Variants in DPYD observed in about 807,000 individuals in gnomAD.
The protein encoded by DPYD is dihydropyrimidine dehydrogenase [NADP(+)].
Under a neutral mutation model 116.2 loss-of-function variants are expected in DPYD, and 109 were observed. The ratio of observed to expected loss-of-function variants is 0.94; its 90% CI spans 0.80 to 1.10. The LOEUF is 1.10. Among genes scored for constraint, DPYD ranks in the 50% least tolerant of loss-of-function variants. The probability of loss-of-function intolerance (pLI) is 0.00; values close to 1 mark genes in which losing one functional copy is unlikely to be tolerated. For missense variants in DPYD, 1,302 were observed against 1,254.5 expected (o/e 1.04, Z -0.57); for synonymous variants, 440 against 432.0 (o/e 1.02, Z -0.23).
chr1:97,552,620 C>T (rs1320947294), intron 11 of DPYD, among the ~76,000 whole-genome samples: 1 of 151,932 alleles, frequency 6.6e-6, no homozygotes, highest in Non-Finnish European at 1.5e-5. Flanking sequence ...GCTTTCTTTC[C>T]TTAATATTTG....
At chr1:97,428,958 A>T (rs1675025001) in intron 14 of DPYD, among the ~76,000 whole-genome samples, 1 of 152,092 alleles carries the variant, frequency 6.6e-6, no homozygotes, top group Admixed American at 6.6e-5. Context: ...AAATCATTTA[A>T]AAAGTTTTAT....
intron 2 of DPYD, among the ~76,000 whole-genome samples, chr1:97,865,463 G>A (rs931736095): frequency 6.6e-6 from 1 of 151,860 alleles, no homozygotes; most frequent in African/African-American, 2.4e-5. Flanking sequence ...ATTCATTTAT[G>A]TGATGGAAAA....
At chr1:97,679,214 T>G in intron 7 of DPYD, 32 bp from the exon 8 acceptor site, 1 of 1,226,560 alleles carries the variant, frequency 8.2e-7, no homozygotes, top group Non-Finnish European at 1.2e-6. Context: ...ATAAGAAAAT[T>G]TGGCATATGA....
chr1:97,256,461 C>T (rs1249679399), intron 18 of DPYD, among the ~76,000 whole-genome samples: 1 of 152,004 alleles, frequency 6.6e-6, no homozygotes, highest in Non-Finnish European at 1.5e-5. Flanking sequence ...ATGCTCTTCT[C>T]ATGATAATGA....
At chr1:97,623,155 C>A (rs1308917709) in intron 8 of DPYD, among the ~76,000 whole-genome samples, 1 of 152,018 alleles carries the variant, frequency 6.6e-6, no homozygotes, top group Non-Finnish European at 1.5e-5. Flanking sequence ...ACTCAAGAAG[C>A]AAAGGAATGC....
At chr1:97,266,952 C>G (rs1664275306) in intron 18 of DPYD, among the ~76,000 whole-genome samples, 1 of 152,078 alleles carries the variant, frequency 6.6e-6, no homozygotes, top group South Asian at 2.1e-4. Context: ...GGGTTGGTTC[C>G]AAGTCTTTGC....
chr1:97,364,457 A>G (rs1670919061), intron 16 of DPYD, among the ~76,000 whole-genome samples: 1 of 152,214 alleles, frequency 6.6e-6, no homozygotes, highest in South Asian at 2.1e-4. Flanking sequence ...ACATGAGGAA[A>G]GAGTCAAAGA....
chr1:97,111,984 A>G (rs1046101122), intron 20 of DPYD, among the ~76,000 whole-genome samples: 2 of 152,118 alleles, frequency 1.3e-5, no homozygotes, highest in African/African-American at 4.8e-5. Context: ...TAAATTGTAT[A>G]GAGTGAAGCC....
intron 5 of DPYD, chr1:97,720,745 C>T (rs1334096536): frequency 7.0e-7 from 1 of 1,437,364 alleles, no homozygotes; most frequent in Admixed American, 3.1e-5. Flanking sequence ...GACCTTCTAG[C>T]CAACTAGTCT....
At chr1:97,787,337 T>C (rs1667095194) in intron 3 of DPYD, among the ~76,000 whole-genome samples, 1 of 152,172 alleles carries the variant, frequency 6.6e-6, no homozygotes, top group Admixed American at 6.5e-5. Context: ...TAGATCATAA[T>C]GAAAACACTT....
At chr1:97,617,085 C>T (rs1019553109) in intron 8 of DPYD, among the ~76,000 whole-genome samples, 18 of 152,136 alleles carry the variant, frequency 1.2e-4, no homozygotes, top group African/African-American at 3.9e-4. Flanking sequence ...ACATGCAGTC[C>T]AAGCTGCTAG....
Position 97,133,998 on chromosome 1 carries a change from C to CAAAAAAAAAAAAAAA in DPYD, c.2623-35381_2623-35367dup, listed in dbSNP as rs1208967697. Among the ~76,000 whole-genome samples the CAAAAAAAAAAAAAAA allele has an allele frequency of 9.3e-4, 16 of 17,244 alleles. 3 individuals are homozygous for CAAAAAAAAAAAAAAA. Among genetic ancestry groups the CAAAAAAAAAAAAAAA allele is most frequent in the African/African-American group, 1.6e-3 (5 of 3,088 alleles). 11.3% of individuals were successfully genotyped at this position (17,244 alleles called of 152,430 possible). On this transcript the variant is annotated intron_variant, in intron 20 of 22. Transcript: ENST00000370192. ...TGGGTCACAGAGCCAGACTCTGTTT[C>CAAAAAAAAAAAAAAA]AAAAAAAAAAAAAAAAATATATATA...
At chr1:97,870,973 T>C (rs1390593504) in intron 2 of DPYD, among the ~76,000 whole-genome samples, 3 of 151,978 alleles carry the variant, frequency 2.0e-5, no homozygotes, top group East Asian at 3.9e-4. Flanking sequence ...AACTCACATA[T>C]TTATTTGCTA....
In DPYD at chr1:97,745,612, T is replaced by G. The variant is rs1377536261; in HGVS notation, c.234-5133A>C. On this transcript the variant is annotated intron_variant, in intron 3 of 22. Coordinates refer to ENST00000370192, the MANE Select transcript of DPYD (RefSeq NM_000110.4). ...TTTAAAATGTATAGTTTATACTTTT[T>G]GCATATTTTGAATTAAATGAAGGGA... Among the ~76,000 whole-genome samples the G allele has an allele frequency of 1.3e-5, 2 of 152,236 alleles. 1 individual carries two copies. Among genetic ancestry groups the G allele is most frequent in the East Asian group, 3.9e-4 (2 of 5,194 alleles).
At chr1:97,775,063 G>A (rs541115805) in intron 3 of DPYD, 8 of 180,184 alleles carry the variant, frequency 4.4e-5, no homozygotes, top group African/African-American at 1.7e-4. Context: ...TCATTATATT[G>A]CCAGACTCAT....
At chr1:97,094,405 CG>C (rs1215101693) in intron 21 of DPYD, among the ~76,000 whole-genome samples, 3 of 152,030 alleles carry the variant, frequency 2.0e-5, no homozygotes, top group Non-Finnish European at 4.4e-5. Context: ...GGAAAGAATA[CG>C]TAAGCAACAC....
Position 97,707,493 on chromosome 1 carries a change from T to C in DPYD, c.484-7946A>G, listed in dbSNP as rs1168532458. On this transcript the variant is annotated intron_variant, in intron 5 of 22. Coordinates refer to ENST00000370192, the MANE Select transcript of DPYD (RefSeq NM_000110.4). ...AGAGTGTGATATTCCCCTTCCTGTG[T>C]CCATGTGATCTCATTGTTCAATTCC... Among the ~76,000 whole-genome samples the C allele has an allele frequency of 1.5e-4, 20 of 134,348 alleles. No individual in the cohort carries two copies. In the Admixed American group the frequency reaches 1.8e-3, roughly 12 times the overall value. The allele number at this position is 134,348 out of a possible 152,430, so 88.1% of individuals were successfully genotyped here. A position where few individuals can be genotyped will look rare whatever the true frequency, so the allele number is the denominator to read the frequency against.
chr1:97,323,465 ATATATG>A (rs1668480060), intron 16 of DPYD, among the ~76,000 whole-genome samples: 5 of 131,180 alleles, frequency 3.8e-5, no homozygotes, highest in African/African-American at 1.3e-4. Flanking sequence ...TCATATATAC[ATATATG>A]TGTATATATA....
chr1:97,827,612 T>C (rs1261204956), intron 3 of DPYD, among the ~76,000 whole-genome samples: 1 of 152,060 alleles, frequency 6.6e-6, no homozygotes, highest in Admixed American at 6.6e-5. Context: ...TAGACCACTA[T>C]AGTTGAAAGG....
Sources: allele counts gnomAD v4.1 joint callset (sites outside exome capture counted in the v4.1 genomes callset), GRCh38; gene constraint gnomAD v4.1.1; transcripts MANE v1.5; gene names NCBI Gene and HGNC (gene_info 2026-07-23, HGNC 2026-07-21).